PDIA5: variants seen among roughly 807,000 people sequenced by gnomAD.
The protein encoded by PDIA5 is protein disulfide-isomerase A5.
Under a neutral mutation model 77.6 loss-of-function variants are expected in PDIA5, and 58 were observed. The ratio of observed to expected loss-of-function variants is 0.75; its 90% confidence interval spans 0.61 to 0.93. The LOEUF (loss-of-function observed/expected upper bound fraction) is 0.93. Ranked by LOEUF, PDIA5 falls within the 40% of genes least tolerant of loss-of-function variation. The pLI, the probability that PDIA5 is intolerant of heterozygous loss-of-function variation, is 0.00. For missense variants in PDIA5, 630 were observed against 647.7 expected (o/e 0.97, Z 0.30); for synonymous variants, 250 against 252.1 (o/e 0.99, Z 0.08).
chr3:123,136,187 G>A (rs980577421), intron 11 of PDIA5, among the ~76,000 whole-genome samples: 22 of 152,030 alleles, frequency 1.4e-4, no homozygotes, highest in Admixed American at 4.6e-4. Flanking sequence ...CTCCTGCCTC[G>A]GCCTCCCAAG....
intron 9 of PDIA5, 44 bp from the exon 10 acceptor site, chr3:123,124,228 T>C: frequency 6.3e-7 from 1 of 1,582,352 alleles, no homozygotes; most frequent in Non-Finnish European, 8.7e-7. Flanking sequence ...AGGGTGGCAT[T>C]TGCATCCGTG....
chr3:123,081,539 G>A (rs1030165465), intron 1 of PDIA5, among the ~76,000 whole-genome samples: 1 of 152,126 alleles, frequency 6.6e-6, no homozygotes, highest in Non-Finnish European at 1.5e-5. Context: ...ACTATTTTGA[G>A]CAAAATGTGG....
At chr3:123,110,351 C>T (rs1444757145) in intron 6 of PDIA5, among the ~76,000 whole-genome samples, 1 of 152,180 alleles carries the variant, frequency 6.6e-6, no homozygotes, top group African/African-American at 2.4e-5. Context: ...CTCCTTCTGC[C>T]CTGTGTGCTC....
At chr3:123,151,871 G>GCCCGCCTTCCTGCCTGCCTTCCTT (rs1935911875) in intron 14 of PDIA5, among the ~76,000 whole-genome samples, 3 of 117,878 alleles carry the variant, frequency 2.5e-5, no homozygotes, top group Admixed American at 8.7e-5. Flanking sequence ...CTTCCTTCCT[G>GCCCGCCTTCCTGCCTGCCTTCCTT]CCCGCCTTCC....
Position 123,067,220 on chromosome 3 carries a change from G to T in PDIA5, c.42+14G>T. On this transcript the variant is annotated intron_variant, in intron 1 of 16. Coordinates refer to ENST00000316218, the MANE Select transcript of PDIA5 (RefSeq NM_006810.4). The stretch of plus-strand genomic sequence containing the variant: ...CTGGCAATCTGGGTGAGACTGTGGG[G>T]CAGGGATCCGGGCCGGGCCAGCACG... 8.0e-7 allele frequency: 1 copy of T among 1,245,268 alleles called. No individual in the cohort carries two copies. Among genetic ancestry groups the T allele is most frequent in the Non-Finnish European group, 1.0e-6 (1 of 988,942 alleles). 77.1% of individuals were successfully genotyped at this position (1,245,268 alleles called of 1,614,324 possible).
intron 15 of PDIA5, 41 bp from the exon 16 acceptor site, chr3:123,161,280 T>C: frequency 6.2e-7 from 1 of 1,602,726 alleles, no homozygotes; most frequent in Non-Finnish European, 8.5e-7. Flanking sequence ...GGCCTCAGCC[T>C]GGGGACACCC....
intron 8 of PDIA5, among the ~76,000 whole-genome samples, chr3:123,120,239 A>T (rs889756650): frequency 6.6e-6 from 1 of 152,176 alleles, no homozygotes; most frequent in Admixed American, 6.5e-5. Context: ...ATGACGACAG[A>T]TTTGTACAGA....
rs1936172418 is a variant in PDIA5, at chr3:123,162,032, T to A, written c.*72T>A. ...GTTTTGTTGTTTCTGAATTTCCACA[T>A]GTTCTGAAGACAAATTTTTTATAGC... On this transcript the variant is annotated 3_prime_UTR_variant, in exon 17 of 17. Coordinates refer to ENST00000316218, the MANE Select transcript of PDIA5 (RefSeq NM_006810.4). The A allele has an allele frequency of 1.1e-6, 1 of 929,794 alleles. No individual in the cohort carries two copies. The highest frequency in any genetic ancestry group is 1.7e-6 in the Non-Finnish European group (1 of 583,964). The allele number at this position is 929,794 out of a possible 1,614,324, so 57.6% of individuals were successfully genotyped here. A position where few individuals can be genotyped will look rare whatever the true frequency, so the allele number is the denominator to read the frequency against.
intron 8 of PDIA5, among the ~76,000 whole-genome samples, chr3:123,119,390 G>C (rs1576451428): frequency 6.6e-6 from 1 of 152,340 alleles, no homozygotes. Flanking sequence ...GCTGTGACCA[G>C]GTGTTGGCTG....
At chr3:123,158,751 C>T (rs1560568382) in intron 15 of PDIA5, among the ~76,000 whole-genome samples, 1 of 152,158 alleles carries the variant, frequency 6.6e-6, no homozygotes, top group Non-Finnish European at 1.5e-5. Flanking sequence ...GCGTGTGCCC[C>T]AGGATTTGTA....
At position 123,099,057 on chromosome 3, in the gene PDIA5, G is replaced by GCACACA. The variant is rs34705320; in HGVS notation, c.258-3340_258-3335dup. 3.3e-3 allele frequency among the ~76,000 whole-genome samples: 494 copies of GCACACA among 151,056 alleles called. 1 individual carries two copies. Among genetic ancestry groups the GCACACA allele is most frequent in the African/African-American group, 0.011 (468 of 41,234 alleles). On this transcript the variant is annotated intron_variant, in intron 3 of 16. Transcript: ENST00000316218. ...AATTAGTGTGTGCACACATGCTTGC[G>GCACACA]CACACACACACACACACACTACTCA...
chr3:123,103,188 C>G (rs1281982314), intron 5 of PDIA5, among the ~76,000 whole-genome samples: 2 of 152,154 alleles, frequency 1.3e-5, no homozygotes, highest in Non-Finnish European at 2.9e-5. Context: ...AGGTTGACAC[C>G]TTTGGGCTGA....
At chr3:123,081,778 T>TA (rs149265544) in intron 1 of PDIA5, among the ~76,000 whole-genome samples, 2,730 of 152,322 alleles carry the variant, frequency 0.018, 80 homozygotes, top group African/African-American at 0.062. Context: ...CTTTGCTAGT[T>TA]ACAGAGAATG....
intron 15 of PDIA5, among the ~76,000 whole-genome samples, chr3:123,156,037 G>T (rs567322319): frequency 6.6e-6 from 1 of 152,244 alleles, no homozygotes; most frequent in East Asian, 1.9e-4. Context: ...GGCCGGGTGG[G>T]CAGGGTTTGA....
chr3:123,146,812 ATTTTGTTTTG>A (rs59187132), intron 13 of PDIA5, among the ~76,000 whole-genome samples: 2 of 144,886 alleles, frequency 1.4e-5, no homozygotes, highest in South Asian at 2.5e-4. Flanking sequence ...TTTTCTTACA[ATTTTGTTTTG>A]TTTTGTTTTG....
chr3:123,153,312 G>A (rs150763077), intron 14 of PDIA5, among the ~76,000 whole-genome samples: 17 of 152,304 alleles, frequency 1.1e-4, no homozygotes, highest in African/African-American at 3.8e-4. Context: ...ATGGGCATAG[G>A]CCACACACAA....
At chr3:123,159,564 G>T (rs965216991) in intron 15 of PDIA5, among the ~76,000 whole-genome samples, 1 of 152,194 alleles carries the variant, frequency 6.6e-6, no homozygotes, top group African/African-American at 2.4e-5. Context: ...AAGCTGGAAA[G>T]CCAAATTGTT....
chr3:123,111,645 A>G (rs73195683), intron 7 of PDIA5, among the ~76,000 whole-genome samples: 5 of 152,350 alleles, frequency 3.3e-5, no homozygotes, highest in Non-Finnish European at 5.9e-5. Context: ...CTTCCTCACT[A>G]GGTCTCAGTT....
At chr3:123,108,121 T>C (rs1027458263) in intron 6 of PDIA5, among the ~76,000 whole-genome samples, 3 of 152,072 alleles carry the variant, frequency 2.0e-5, no homozygotes, top group Non-Finnish European at 4.4e-5. Flanking sequence ...TTAATGCTTG[T>C]TGGCCCAGAA....
Sources: gnomAD v4.1 joint callset for allele counts (sites outside exome capture counted in the v4.1 genomes callset) on GRCh38, gnomAD v4.1.1 for gene constraint, MANE v1.5 for transcripts, NCBI Gene and HGNC (gene_info 2026-07-23, HGNC 2026-07-21) for gene names.